ABCG8: variants seen among roughly 807,000 people sequenced by gnomAD.
ABCG8 encodes ATP binding cassette subfamily G member 8.
Under a neutral mutation model 71.3 loss-of-function variants are expected in ABCG8, and 81 were observed. The ratio of observed to expected loss-of-function variants is 1.14; its 90% confidence interval spans 0.95 to 1.37. ABCG8 has a LOEUF of 1.37. Ranked by LOEUF, ABCG8 falls within the 40% of genes most tolerant of loss-of-function variation. The probability of loss-of-function intolerance (pLI) is 0.00; values close to 1 mark genes in which losing one functional copy is unlikely to be tolerated. For synonymous variants in ABCG8, 451 were observed against 354.7 expected, an observed-to-expected ratio of 1.27 and a Z score of -3.05; for missense variants, 1,119 against 866.2, an observed-to-expected ratio of 1.29 and a Z score of -3.66.
chr2:43,862,440 C>G (rs778150826), intron 6 of ABCG8, among the ~76,000 whole-genome samples: 1 of 150,600 alleles, frequency 6.6e-6, no homozygotes, highest in Non-Finnish European at 1.5e-5. Context: ...GTATAGAACT[C>G]TCACTATCTG....
chr2:43,874,576 C>T, intron 10 of ABCG8, 93 bp downstream of exon 10: 2 of 1,036,360 alleles, frequency 1.9e-6, no homozygotes, highest in Non-Finnish European at 3.1e-6. Flanking sequence ...CTTTTCTGAA[C>T]CATGGGGCCG....
intron 4 of ABCG8, 53 bp downstream of exon 4, chr2:43,851,875 A>G: frequency 1.9e-6 from 3 of 1,579,562 alleles, no homozygotes; most frequent in South Asian, 1.1e-5. Flanking sequence ...TACAGTGTCC[A>G]TGCCCCGCTC....
chr2:43,845,677 A>T (rs910258434), intron 2 of ABCG8, among the ~76,000 whole-genome samples: 5 of 151,818 alleles, frequency 3.3e-5, no homozygotes, highest in African/African-American at 1.2e-4. Flanking sequence ...GCTGGGATGC[A>T]GTGGTGCAAT....
chr2:43,849,450 T>C (rs1348526811), intron 3 of ABCG8, among the ~76,000 whole-genome samples: 5 of 152,184 alleles, frequency 3.3e-5, no homozygotes. Context: ...TCACTCACTA[T>C]CATGAGAACA....
intron 1 of ABCG8, among the ~76,000 whole-genome samples, chr2:43,840,366 G>A (rs1385234416): frequency 6.6e-6 from 1 of 152,200 alleles, no homozygotes; most frequent in Non-Finnish European, 1.5e-5. Flanking sequence ...AAGTCAGCGG[G>A]ACTTTGGGAA....
At chr2:43,868,554 T>TTCTCACCA (rs1481794548) in intron 6 of ABCG8, among the ~76,000 whole-genome samples, 4 of 152,076 alleles carry the variant, frequency 2.6e-5, no homozygotes, top group African/African-American at 7.2e-5. Flanking sequence ...CTGGATAGAA[T>TTCTCACCA]TCTGACCAGC....
Position 43,851,774 on chromosome 2 carries a change from C to A in ABCG8, c.513C>A (p.Ala171=). The A allele has an allele frequency of 6.2e-7, 1 of 1,614,240 alleles. No homozygotes were observed. The highest frequency in any genetic ancestry group is 8.5e-7 in the Non-Finnish European group (1 of 1,180,050). The part of the protein sequence containing the change: ...LTVRETLAFI[A]QMRLPRTFSQ... ...TGCGAGAGACCTTGGCCTTCATTGC[C>A]CAGATGCGGCTGCCCAGAACCTTCT... is the stretch of plus-strand genomic sequence containing the variant. Residue 171 remains alanine, a synonymous_variant, in exon 4 of 13, where the codon GCC becomes GCA. Transcript: ENST00000272286.
intron 3 of ABCG8, chr2:43,847,983 T>G (rs144897962): frequency 6.6e-6 from 1 of 152,126 alleles, no homozygotes; most frequent in Non-Finnish European, 1.5e-5. Context: ...CAGGCTGATC[T>G]CCAACTCCTG....
At chr2:43,862,450 G>A (rs1441033462) in intron 6 of ABCG8, among the ~76,000 whole-genome samples, 1 of 149,754 alleles carries the variant, frequency 6.7e-6, no homozygotes, top group East Asian at 2.0e-4. Context: ...CTCACTATCT[G>A]AATAGAATTC....
At position 43,864,327 on chromosome 2, in the gene ABCG8, T is replaced by C. The variant is rs532555021; in HGVS notation, c.965-7649T>C. 6.6e-5 allele frequency among the ~76,000 whole-genome samples: 10 copies of C among 151,728 alleles called. No homozygotes were observed. The South Asian group carries it at 2.1e-3, about 32-fold the overall frequency. Reference sequence around the variant, plus strand: ...ATAGAATTCTCACTATCTGTCTGGATAGAATTTTCACTCTCTGGATGGAAC... The same window carrying C: ...ATAGAATTCTCACTATCTGTCTGGACAGAATTTTCACTCTCTGGATGGAAC... On this transcript the variant is annotated intron_variant, in intron 6 of 12. Coordinates refer to ENST00000272286, the MANE Select transcript of ABCG8 (RefSeq NM_022437.3).
intron 6 of ABCG8, among the ~76,000 whole-genome samples, chr2:43,863,814 C>T (rs1180305618): frequency 6.6e-6 from 1 of 151,512 alleles, no homozygotes; most frequent in Non-Finnish European, 1.5e-5. Flanking sequence ...CACTACCTGT[C>T]TGGATAGAAT....
rs1471493585 is a variant in ABCG8 at position 43,853,011 on chromosome 2, G to A, written c.964+143G>A. 4.4e-6 allele frequency: 5 copies of A among 1,124,690 alleles called. No individual in the cohort carries two copies. In the East Asian group the frequency reaches 9.8e-5, roughly 22 times the overall value. 69.7% of individuals were successfully genotyped at this position (1,124,690 alleles called of 1,614,324 possible). A position where few individuals can be genotyped will look rare whatever the true frequency, so the allele number is the denominator to read the frequency against. Reference sequence around the variant, plus strand: ...GAGGAGCAATGATGGGGAAGAACATGGGGTGGTTTGCCAGGTATCAAATGC... The same window carrying A: ...GAGGAGCAATGATGGGGAAGAACATAGGGTGGTTTGCCAGGTATCAAATGC... On this transcript the variant is annotated intron_variant, in intron 6 of 12. Coordinates refer to ENST00000272286, the MANE Select transcript of ABCG8 (RefSeq NM_022437.3).
intron 6 of ABCG8, among the ~76,000 whole-genome samples, chr2:43,856,827 G>A (rs527796337): frequency 7.2e-6 from 1 of 139,252 alleles, no homozygotes; most frequent in Non-Finnish European, 1.6e-5. Flanking sequence ...TGGATAGAAC[G>A]CTCACTATCT....
chr2:43,877,040 A>T (rs1240172519), intron 11 of ABCG8, among the ~76,000 whole-genome samples: 2 of 145,310 alleles, frequency 1.4e-5, no homozygotes, highest in African/African-American at 5.2e-5. Flanking sequence ...TATGGGGGAG[A>T]CTGGGAGTAT....
At position 43,881,251 on chromosome 2, in the gene ABCG8, G is replaced by A. The variant is rs540842452; in HGVS notation, c.*3338G>A. 4.6e-5 allele frequency: 7 copies of A among 152,384 alleles called. No homozygotes were observed. The East Asian group carries it at 1.2e-3, about 25-fold the overall frequency. 9.4% of individuals were successfully genotyped at this position (152,384 alleles called of 1,614,324 possible). A position where few individuals can be genotyped will look rare whatever the true frequency, so the allele number is the denominator to read the frequency against. ...CAGGAGGGATGGAGAAAATATAGCA[G>A]CTGCCATTTATTTGTGTTTTTCCTA... On this transcript the variant is annotated 3_prime_UTR_variant, in exon 13 of 13. Coordinates refer to ENST00000272286, the MANE Select transcript of ABCG8 (RefSeq NM_022437.3).
In ABCG8 at chr2:43,846,138, C is replaced by A. The variant is rs766274717; in HGVS notation, c.166-17C>A. On this transcript the variant is annotated splice_polypyrimidine_tract_variant and intron_variant, in intron 2 of 12. Coordinates refer to ENST00000272286, the MANE Select transcript of ABCG8 (RefSeq NM_022437.3). ...ACCATTCAGCTCTCTAAGGAACCTT[C>A]TGATATCTCCCCACAGGTGGACCTG... 3.1e-6 allele frequency: 5 copies of A among 1,612,590 alleles called. No individual in the cohort carries two copies. Among genetic ancestry groups the A allele is most frequent in the Non-Finnish European group, 2.5e-6 (3 of 1,179,972 alleles).
chr2:43,841,832 T>A (rs771037443), intron 1 of ABCG8, among the ~76,000 whole-genome samples: 1 of 152,218 alleles, frequency 6.6e-6, no homozygotes, highest in Non-Finnish European at 1.5e-5. Flanking sequence ...ACTCCAAATG[T>A]CTGACCTTCC....
intron 6 of ABCG8, among the ~76,000 whole-genome samples, chr2:43,864,899 A>ACTAT (rs1669467500): frequency 7.2e-6 from 1 of 138,150 alleles, no homozygotes; most frequent in Non-Finnish European, 1.6e-5. Flanking sequence ...TACAACTCTC[A>ACTAT]CTATCTGGAT....
chr2:43,849,969 G>A (rs1238819356), intron 3 of ABCG8, among the ~76,000 whole-genome samples: 1 of 152,150 alleles, frequency 6.6e-6, no homozygotes, highest in Admixed American at 6.5e-5. Context: ...GGAGGCCGAG[G>A]CAGGCGGATC....
Sources: allele counts gnomAD v4.1 joint callset (sites outside exome capture counted in the v4.1 genomes callset), GRCh38; gene constraint gnomAD v4.1.1; transcripts MANE v1.5; gene names NCBI Gene and HGNC (gene_info 2026-07-23, HGNC 2026-07-21).